Variants in RNF41 observed in about 807,000 individuals in gnomAD.
RNF41 encodes the protein E3 ubiquitin-protein ligase NRDP1.
Under a neutral mutation model 33.0 loss-of-function variants are expected in RNF41, and 4 were observed. That is an observed-to-expected ratio of 0.12 (90% CI 0.06 to 0.28). The LOEUF is 0.28. RNF41 is among the 10% of genes least tolerant of loss of function. The probability of loss-of-function intolerance (pLI) is 1.00; values close to 1 mark genes in which losing one functional copy is unlikely to be tolerated. For missense variants in RNF41, 228 were observed against 432.6 expected, an observed-to-expected ratio of 0.53 and a Z score of 4.19; for synonymous variants, 164 against 153.2, an observed-to-expected ratio of 1.07 and a Z score of -0.52.
rs1555227303 is a variant in RNF41, at chr12:56,205,576, G to GC, written c.*870_*871insG. 6.6e-6 allele frequency: 1 copy of GC among 150,620 alleles called. No homozygotes were observed. Among genetic ancestry groups the GC allele is most frequent in the Non-Finnish European group, 1.5e-5 (1 of 67,656 alleles). The allele number at this position is 150,620 out of a possible 1,614,324, so 9.3% of individuals were successfully genotyped here. On this transcript the variant is annotated 3_prime_UTR_variant, in exon 7 of 7. Transcript: ENST00000345093. ...GCCATTCTTAAAAAAAAGAGGGGGG[G>GC]GGGCAGTAGGTGGAGTTTGTGAAAT... is the stretch of plus-strand genomic sequence containing the variant.
chr12:56,203,745 GC>G lies in RNF41; in HGVS notation c.*2701del, dbSNP rs1262949057. Reference sequence around the variant, plus strand: ...TTTTTAGACGGAGCCTTGCTCTGTCGCCCAGGCTGGAATGCAGTGGCCCAAT... The same window carrying G: ...TTTTTAGACGGAGCCTTGCTCTGTCGCCAGGCTGGAATGCAGTGGCCCAAT... On this transcript the variant is annotated 3_prime_UTR_variant, in exon 7 of 7. Coordinates refer to ENST00000345093, the MANE Select transcript of RNF41 (RefSeq NM_005785.4). The G allele has an allele frequency of 8.8e-6, 1 of 113,038 alleles. No homozygotes were observed. The highest frequency in any genetic ancestry group is 1.7e-5 in the Non-Finnish European group (1 of 57,854). The allele number at this position is 113,038 out of a possible 1,614,324, so 7.0% of individuals were successfully genotyped here.
chr12:56,207,759 GGAA>G lies in RNF41; in HGVS notation c.499-13_499-11del, dbSNP rs535162674. ...GCTGGATGTCTCGCTTCTGTTGTGG[GGAA>G]GAAGAACAGGAATAATGGTTAAGGC... On this transcript the variant is annotated splice_polypyrimidine_tract_variant and intron_variant, in intron 5 of 6. Coordinates refer to ENST00000345093, the MANE Select transcript of RNF41 (RefSeq NM_005785.4). The G allele has an allele frequency of 7.4e-4, 1,183 of 1,607,328 alleles. 2 individuals carry two copies. The highest frequency in any genetic ancestry group is 4.6e-3 in the Middle Eastern group (28 of 6,042).
Position 56,205,300 on chromosome 12 carries a change from G to A in RNF41, c.*1147C>T, listed in dbSNP as rs1048775127. ...TTTCAGTTGGGGTTACAGAGGTTTG[G>A]GGCAGATATCGTAAGTTCAGCCGAG... On this transcript the variant is annotated 3_prime_UTR_variant, in exon 7 of 7. Transcript: ENST00000345093. 1 of 152,114 alleles carries A rather than the reference G, an allele frequency of 6.6e-6. No homozygotes were observed. Among genetic ancestry groups the A allele is most frequent in the African/African-American group, 2.4e-5 (1 of 41,388 alleles). The allele number at this position is 152,114 out of a possible 1,614,324, so 9.4% of individuals were successfully genotyped here. A position where few individuals can be genotyped will look rare whatever the true frequency, so the allele number is the denominator to read the frequency against.
chr12:56,211,931 C>T (rs189380850), intron 3 of RNF41, among the ~76,000 whole-genome samples: 1 of 152,088 alleles, frequency 6.6e-6, no homozygotes, highest in Non-Finnish European at 1.5e-5. Context: ...AAGATCATGC[C>T]ACTGCACTCC....
intron 6 of RNF41, 36 bp downstream of exon 6, chr12:56,207,610 G>T: frequency 1.4e-6 from 2 of 1,468,242 alleles, no homozygotes; most frequent in Non-Finnish European, 1.9e-6. Flanking sequence ...TTGTTGTCAG[G>T]ACATGAAATC....
intron 3 of RNF41, among the ~76,000 whole-genome samples, chr12:56,213,619 G>A (rs1454241563): frequency 6.6e-6 from 1 of 152,132 alleles, no homozygotes; most frequent in Non-Finnish European, 1.5e-5. Flanking sequence ...TCACGGACAG[G>A]AAGATGGAAC....
intron 6 of RNF41, chr12:56,207,407 G>T: frequency 2.4e-6 from 2 of 817,232 alleles, no homozygotes; most frequent in Non-Finnish European, 4.0e-6. Flanking sequence ...ACCTAATTCT[G>T]GATAAAGTGC....
intron 2 of RNF41, among the ~76,000 whole-genome samples, chr12:56,215,772 G>A (rs1172859820): frequency 1.3e-5 from 2 of 150,720 alleles, no homozygotes; most frequent in Non-Finnish European, 2.9e-5. Context: ...TCAAACAGCG[G>A]CAATGGCGCC....
At chr12:56,220,428 G>T (rs1869292345) in intron 1 of RNF41, among the ~76,000 whole-genome samples, 1 of 151,584 alleles carries the variant, frequency 6.6e-6, no homozygotes. Context: ...TGTTGCCCAG[G>T]CTGGTCTCGA....
In RNF41 at chr12:56,204,045, G is replaced by C. The variant is rs1472298864; in HGVS notation, c.*2402C>G. On this transcript the variant is annotated 3_prime_UTR_variant, in exon 7 of 7. Transcript: ENST00000345093. ...ATAAGTAAATAATTATGAAACCTCT[G>C]CAAGTACATTTCCCTCCTCACATTT... 1 of 152,102 alleles carries C rather than the reference G, an allele frequency of 6.6e-6. No homozygotes were observed. Among genetic ancestry groups the C allele is most frequent in the African/African-American group, 2.4e-5 (1 of 41,406 alleles). The allele number at this position is 152,102 out of a possible 1,614,324, so 9.4% of individuals were successfully genotyped here. A position where few individuals can be genotyped will look rare whatever the true frequency, so the allele number is the denominator to read the frequency against.
chr12:56,214,165 A>G, intron 2 of RNF41, 95 bp from the exon 3 acceptor site: 2 of 738,544 alleles, frequency 2.7e-6, no homozygotes, highest in South Asian at 3.1e-5. Context: ...CATTTATCCA[A>G]CAAATATTTA....
chr12:56,212,861 A>C, intron 3 of RNF41: 1 of 636,844 alleles, frequency 1.6e-6, no homozygotes, highest in South Asian at 1.7e-5. Flanking sequence ...CTGGTTTGGA[A>C]AATGTGATAA....
At chr12:56,214,726 G>A (rs1290746918) in intron 2 of RNF41, among the ~76,000 whole-genome samples, 1 of 151,864 alleles carries the variant, frequency 6.6e-6, no homozygotes, top group Middle Eastern at 3.4e-3. Flanking sequence ...CTACTTGGAA[G>A]GCTGAGGCAC....
chr12:56,212,544 C>T (rs566713912), intron 3 of RNF41, among the ~76,000 whole-genome samples: 8 of 152,130 alleles, frequency 5.3e-5, no homozygotes, highest in African/African-American at 1.7e-4. Flanking sequence ...TGCCAGAAAA[C>T]AGACAAGGCC....
At chr12:56,211,535 T>C (rs2056730) in intron 3 of RNF41, among the ~76,000 whole-genome samples, 3,426 of 152,086 alleles carry the variant, frequency 0.023, 129 homozygotes, top group African/African-American at 0.076. Flanking sequence ...GCCAAAAATG[T>C]CCAGAGGAGG....
At chr12:56,217,527 G>A (rs985174356) in intron 1 of RNF41, among the ~76,000 whole-genome samples, 1 of 152,076 alleles carries the variant, frequency 6.6e-6, no homozygotes, top group East Asian at 1.9e-4. Flanking sequence ...CAGCCTAGGC[G>A]ACAGAGCAAG....
rs56046049 is a variant in RNF41 at position 56,215,290 on chromosome 12, TAA to T, written c.-24+1137_-24+1138del. ...GGTATGAGAGAGCCACTGAAGGACT[TAA>T]AAAACAATGTGATAATAGTTCCATT... On this transcript the variant is annotated intron_variant, in intron 2 of 6. Transcript: ENST00000345093. Among the ~76,000 whole-genome samples, 1,092 of 152,276 alleles carry T rather than the reference TAA, an allele frequency of 7.2e-3. 5 individuals carry two copies. The highest frequency in any genetic ancestry group is 0.02 in the Middle Eastern group (6 of 294).
At chr12:56,212,916 G>C (rs760994851) in intron 3 of RNF41, 85 of 1,008,106 alleles carry the variant, frequency 8.4e-5, no homozygotes, top group Middle Eastern at 4.9e-4. Flanking sequence ...GGTATTTACA[G>C]AATGAGGGCA....
rs989500502 is a variant in RNF41, at chr12:56,202,851, G to A, written c.*3596C>T. ...TTTGTTTCTAAAAATCGTATCTTCT[G>A]TAAAAGGACAATATGACACCATTCA... On this transcript the variant is annotated 3_prime_UTR_variant, in exon 7 of 7. Transcript: ENST00000345093. 2 of 152,158 alleles carry A rather than the reference G, an allele frequency of 1.3e-5. No homozygotes were observed. Among genetic ancestry groups the A allele is most frequent in the Admixed American group, 6.5e-5 (1 of 15,268 alleles). The allele number at this position is 152,158 out of a possible 1,614,324, so 9.4% of individuals were successfully genotyped here.
Sources: allele counts gnomAD v4.1 joint callset (sites outside exome capture counted in the v4.1 genomes callset), GRCh38; gene constraint gnomAD v4.1.1; transcripts MANE v1.5; gene names NCBI Gene and HGNC (gene_info 2026-07-23, HGNC 2026-07-21).